Variants in FBXL7 observed in about 807,000 individuals in gnomAD.
FBXL7 encodes the protein F-box and leucine rich repeat protein 7, also known as F-box/LRR-repeat protein 7.
Under a neutral mutation model 38.3 loss-of-function variants are expected in FBXL7, and 12 were observed. The observed-to-expected ratio is 0.31, with a 90% CI of 0.20 to 0.51. FBXL7 has a LOEUF of 0.51. FBXL7 is among the 20% of genes least tolerant of loss of function. The pLI, the probability that FBXL7 is intolerant of heterozygous loss-of-function variation, is 0.98. For missense variants in FBXL7, 567 were observed against 676.4 expected (o/e 0.84, Z 1.79); for synonymous variants, 297 against 300.9 (o/e 0.99, Z 0.13).
rs575720466 is a variant in FBXL7, at chr5:15,871,786, A to G, written c.128-56104A>G. On this transcript the variant is annotated intron_variant, in intron 2 of 3. Transcript: ENST00000504595. Reference sequence around the variant, plus strand: ...GGAAAAAGCCTCCAGGAAATATGGGACTATGTGAAAAAACCAACGTTTGAT... The same window carrying G: ...GGAAAAAGCCTCCAGGAAATATGGGGCTATGTGAAAAAACCAACGTTTGAT... Among the ~76,000 whole-genome samples the G allele has an allele frequency of 2.4e-4, 36 of 152,312 alleles. No homozygotes were observed. The South Asian group carries it at 6.6e-3, about 28-fold the overall frequency.
At chr5:15,525,093 C>T (rs1737213675) in intron 1 of FBXL7, among the ~76,000 whole-genome samples, 1 of 152,180 alleles carries the variant, frequency 6.6e-6, no homozygotes, top group African/African-American at 2.4e-5. Context: ...CTCCCTTTGC[C>T]TCAGTTTCCC....
chr5:15,717,752 G>A (rs1744082433), intron 2 of FBXL7, among the ~76,000 whole-genome samples: 1 of 152,104 alleles, frequency 6.6e-6, no homozygotes, highest in Admixed American at 6.6e-5. Flanking sequence ...AACTTCAGAT[G>A]GGGGAACTTT....
intron 2 of FBXL7, among the ~76,000 whole-genome samples, chr5:15,644,143 G>A (rs1234436818): frequency 2.0e-5 from 3 of 151,908 alleles, no homozygotes; most frequent in Non-Finnish European, 2.9e-5. Context: ...TCCCTACAAG[G>A]GAAAATACAG....
intron 2 of FBXL7, among the ~76,000 whole-genome samples, chr5:15,863,793 C>T (rs1293700613): frequency 6.6e-6 from 1 of 152,162 alleles, no homozygotes; most frequent in Admixed American, 6.5e-5. Flanking sequence ...GGTACCTCCT[C>T]ACTCTCTCAT....
chr5:15,799,571 A>G (rs1387612455), intron 2 of FBXL7, among the ~76,000 whole-genome samples: 1 of 152,090 alleles, frequency 6.6e-6, no homozygotes, highest in Non-Finnish European at 1.5e-5. Flanking sequence ...CACATTGGTC[A>G]GGCTGGTCTC....
chr5:15,641,530 TA>T (rs1397404460), intron 2 of FBXL7, among the ~76,000 whole-genome samples: 1 of 151,804 alleles, frequency 6.6e-6, no homozygotes, highest in Non-Finnish European at 1.5e-5. Flanking sequence ...TGGCAGTGAT[TA>T]ATATTATGTG....
intron 2 of FBXL7, among the ~76,000 whole-genome samples, chr5:15,657,684 A>G (rs1031631411): frequency 1.3e-5 from 2 of 152,146 alleles, no homozygotes; most frequent in Non-Finnish European, 2.9e-5. Context: ...CTAAAAATAC[A>G]AAAATTATCT....
chr5:15,897,855 AAATT>A (rs1004705536), intron 2 of FBXL7, among the ~76,000 whole-genome samples: 6 of 152,206 alleles, frequency 3.9e-5, no homozygotes, highest in African/African-American at 9.6e-5. Flanking sequence ...TGTTTTTAAA[AAATT>A]AATCCAATGG....
At chr5:15,781,452 C>T (rs994425073) in intron 2 of FBXL7, among the ~76,000 whole-genome samples, 19 of 150,012 alleles carry the variant, frequency 1.3e-4, no homozygotes, top group Non-Finnish European at 1.9e-4. Context: ...TGTGTGTGCG[C>T]GCGCGTGTGT....
intron 2 of FBXL7, among the ~76,000 whole-genome samples, chr5:15,877,801 A>T (rs1358219377): frequency 6.6e-6 from 1 of 152,160 alleles, no homozygotes; most frequent in African/African-American, 2.4e-5. Context: ...TTTGCTAAAG[A>T]AATTACTATA....
intron 2 of FBXL7, among the ~76,000 whole-genome samples, chr5:15,925,302 A>G (rs1447754191): frequency 1.3e-5 from 2 of 152,244 alleles, no homozygotes; most frequent in African/African-American, 4.8e-5. Context: ...ACAGGAAGAA[A>G]ACTTCTTAAA....
intron 2 of FBXL7, among the ~76,000 whole-genome samples, chr5:15,755,779 A>G (rs2126691671): frequency 6.6e-6 from 1 of 152,342 alleles, no homozygotes; most frequent in South Asian, 2.1e-4. Flanking sequence ...GGCAATAGGA[A>G]CTAACCAGAT....
chr5:15,929,624 T>TGAA (rs1741985843), intron 3 of FBXL7, among the ~76,000 whole-genome samples: 1 of 102,812 alleles, frequency 9.7e-6, no homozygotes, highest in South Asian at 3.2e-4. Context: ...ACCCTGTCTC[T>TGAA]GAAAAAAAAA....
In FBXL7 at chr5:15,741,678, G is replaced by A. The variant is rs16867649; in HGVS notation, c.127+125606G>A. Among the ~76,000 whole-genome samples the A allele has an allele frequency of 8.9e-3, 1,358 of 152,162 alleles. 17 individuals carry two copies. Among genetic ancestry groups the A allele is most frequent in the South Asian group, 0.041 (200 of 4,828 alleles). ...AGGCCACTTGCTGGAAAAGCAAGGC[G>A]TGAGGCAAAAAAGGAAGGAAAATAT... On this transcript the variant is annotated intron_variant, in intron 2 of 3. Transcript: ENST00000504595.
intron 2 of FBXL7, among the ~76,000 whole-genome samples, chr5:15,830,744 A>T (rs1738434668): frequency 6.6e-6 from 1 of 152,088 alleles, no homozygotes; most frequent in Non-Finnish European, 1.5e-5. Flanking sequence ...TATTAGTCAC[A>T]TGTTGACCTT....
chr5:15,715,459 C>G (rs970532426), intron 2 of FBXL7, among the ~76,000 whole-genome samples: 1 of 137,294 alleles, frequency 7.3e-6, no homozygotes, highest in Non-Finnish European at 1.5e-5. Context: ...CCACTGCACT[C>G]GAGCCTGGTG....
chr5:15,619,732 C>T (rs988786252), intron 2 of FBXL7, among the ~76,000 whole-genome samples: 3 of 152,056 alleles, frequency 2.0e-5, no homozygotes, highest in Admixed American at 6.6e-5. Flanking sequence ...TTCAGTTTTC[C>T]GGCAGTCTTT....
At chr5:15,681,670 T>C (rs528622344) in intron 2 of FBXL7, among the ~76,000 whole-genome samples, 2 of 152,204 alleles carry the variant, frequency 1.3e-5, no homozygotes, top group Non-Finnish European at 2.9e-5. Flanking sequence ...AACTGTACTT[T>C]TAGTCAGATA....
chr5:15,859,848 A>G (rs1739401727), intron 2 of FBXL7, among the ~76,000 whole-genome samples: 1 of 152,204 alleles, frequency 6.6e-6, no homozygotes, highest in African/African-American at 2.4e-5. Flanking sequence ...CCCATTTTAC[A>G]GATAAAGAAC....
Sources: gnomAD v4.1 joint callset for allele counts (sites outside exome capture counted in the v4.1 genomes callset) on GRCh38, gnomAD v4.1.1 for gene constraint, MANE v1.5 for transcripts, NCBI Gene and HGNC (gene_info 2026-07-23, HGNC 2026-07-21) for gene names.